The following ZFYVE21 variants were observed in gnomAD, a reference collection of about 807,000 sequenced individuals.
ZFYVE21 encodes zinc finger FYVE domain-containing protein 21.
In ZFYVE21, 21 loss-of-function variants were observed where a neutral mutation model predicts 29.5. The ratio of observed to expected loss-of-function variants is 0.71; its 90% CI spans 0.50 to 1.02. The LOEUF is 1.02. Ranked by LOEUF, ZFYVE21 falls within the 50% of genes least tolerant of loss-of-function variation. The pLI is 0.00. For missense variants in ZFYVE21, 326 were observed against 335.4 expected (o/e 0.97, Z 0.22); for synonymous variants, 151 against 133.8 (o/e 1.13, Z -0.89).
At position 103,727,993 on chromosome 14, in the gene ZFYVE21, C is replaced by T. The variant is rs566332747; in HGVS notation, c.358+79C>T. 6 of 1,452,180 alleles carry T rather than the reference C, an allele frequency of 4.1e-6. No homozygotes were observed. The African/African-American group carries it at 8.5e-5, about 21-fold the overall frequency. The allele number at this position is 1,452,180 out of a possible 1,614,324, so 90.0% of individuals were successfully genotyped here. On this transcript the variant is annotated intron_variant, in intron 3 of 6. Transcript: ENST00000311141. The stretch of plus-strand genomic sequence containing the variant: ...GTCTGTGGCGATGCTGTGGGCTGTG[C>T]ACGGGGCGTTCTGCTTCTCTGACGT...
Position 103,715,916 on chromosome 14 carries a change from C to G in ZFYVE21, c.75C>G (p.Pro25=), listed in dbSNP as rs779798055. The change falls in exon 1 of 7, where the codon CCC becomes CCG. Residue 25 remains proline (P), a synonymous_variant. Coordinates refer to ENST00000311141, the MANE Select transcript of ZFYVE21 (RefSeq NM_024071.4). ...VRSPSGLRMV[P]EHRAFGSPFG... is the part of the protein sequence containing the mutation. ...CCCCGAGCGGCCTGCGCATGGTGCC[C>G]GAACACCGCGCCTTCGGAAGCCCGT... The G allele has an allele frequency of 2.2e-5, 31 of 1,435,076 alleles. No individual in the cohort carries two copies. The highest frequency in any genetic ancestry group is 2.8e-5 in the Non-Finnish European group (30 of 1,086,224). The allele number at this position is 1,435,076 out of a possible 1,614,324, so 88.9% of individuals were successfully genotyped here.
chr14:103,717,997 G>T (rs887469424), intron 1 of ZFYVE21, among the ~76,000 whole-genome samples: 3 of 152,212 alleles, frequency 2.0e-5, no homozygotes, highest in Non-Finnish European at 4.4e-5. Flanking sequence ...GGTAACAGTC[G>T]CCTGGCATGT....
At chr14:103,722,490 G>T (rs1008106261) in intron 1 of ZFYVE21, among the ~76,000 whole-genome samples, 1 of 151,704 alleles carries the variant, frequency 6.6e-6, no homozygotes, top group Non-Finnish European at 1.5e-5. Context: ...AAGTAGCTGG[G>T]ACTACAGGTG....
At chr14:103,718,552 C>T (rs953113819) in intron 1 of ZFYVE21, among the ~76,000 whole-genome samples, 3 of 152,142 alleles carry the variant, frequency 2.0e-5, no homozygotes, top group Admixed American at 6.5e-5. Flanking sequence ...AAGCTTCGTG[C>T]GACACCACTT....
chr14:103,721,703 CTG>C (rs1370373999), intron 1 of ZFYVE21, among the ~76,000 whole-genome samples: 1 of 152,266 alleles, frequency 6.6e-6, no homozygotes, highest in Non-Finnish European at 1.5e-5. Context: ...CTCTTCATCT[CTG>C]TGTGTTTGTC....
In ZFYVE21 at chr14:103,733,322, G is replaced by C. The variant is rs2084005150; in HGVS notation, c.*304G>C. ...AGCATAATATATACCATTTTTATGA[G>C]TTCGCAGGTCTACTAGAAGGTTCTG... On this transcript the variant is annotated 3_prime_UTR_variant, in exon 7 of 7. Coordinates refer to ENST00000311141, the MANE Select transcript of ZFYVE21 (RefSeq NM_024071.4). 1 of 320,102 alleles carries C rather than the reference G, an allele frequency of 3.1e-6. No homozygotes were observed. The highest frequency in any genetic ancestry group is 5.8e-6 in the Non-Finnish European group (1 of 171,198). The allele number at this position is 320,102 out of a possible 1,614,324, so 19.8% of individuals were successfully genotyped here. A position where few individuals can be genotyped will look rare whatever the true frequency, so the allele number is the denominator to read the frequency against.
At chr14:103,717,266 AATC>A (rs2083833312) in intron 1 of ZFYVE21, among the ~76,000 whole-genome samples, 1 of 152,170 alleles carries the variant, frequency 6.6e-6, no homozygotes, top group Non-Finnish European at 1.5e-5. Flanking sequence ...ACTTTCCGCC[AATC>A]ATCCTCCTTC....
chr14:103,727,326 G>A (rs985013618), intron 2 of ZFYVE21: 1 of 372,444 alleles, frequency 2.7e-6, no homozygotes. Context: ...GCTATGGGGT[G>A]GGGGTGCAGC....
chr14:103,715,907 C>T lies in ZFYVE21; in HGVS notation c.66C>T (p.Arg22=). The T allele has an allele frequency of 3.5e-6, 5 of 1,440,046 alleles. No homozygotes were observed. Among genetic ancestry groups the T allele is most frequent in the Non-Finnish European group, 4.6e-6 (5 of 1,089,754 alleles). 89.2% of individuals were successfully genotyped at this position (1,440,046 alleles called of 1,614,324 possible). ...KKLVRSPSGL[R]MVPEHRAFGS... ...TGGTGCGCTCCCCGAGCGGCCTGCG[C>T]ATGGTGCCCGAACACCGCGCCTTCG... Residue 22 remains arginine (R), a synonymous_variant, in exon 1 of 7, where the codon CGC becomes CGT. Transcript: ENST00000311141.
intron 1 of ZFYVE21, chr14:103,725,695 G>A (rs1386621178): frequency 6.6e-6 from 1 of 152,280 alleles, no homozygotes; most frequent in Non-Finnish European, 1.5e-5. Context: ...CTGGGTGCTT[G>A]GTAAATGCAC....
intron 5 of ZFYVE21, chr14:103,730,233 C>A: frequency 4.5e-6 from 1 of 224,380 alleles, no homozygotes; most frequent in Non-Finnish European, 8.8e-6. Context: ...TCCTGGGACC[C>A]CTGACTCTCC....
intron 4 of ZFYVE21, 45 bp from the exon 5 acceptor site, chr14:103,729,046 C>T (rs760877821): frequency 6.2e-7 from 1 of 1,613,658 alleles, no homozygotes; most frequent in Middle Eastern, 1.6e-4. Context: ...CTCGGTGGCA[C>T]TGAGCCTGAG....
chr14:103,730,555 C>G (rs1220427075), intron 5 of ZFYVE21: 1 of 152,688 alleles, frequency 6.5e-6, no homozygotes, highest in Non-Finnish European at 1.5e-5. Context: ...CCCGGGCAGA[C>G]CCTCCCCAGG....
intron 5 of ZFYVE21, chr14:103,732,114 G>A (rs1193009610): frequency 2.0e-5 from 3 of 152,540 alleles, no homozygotes; most frequent in African/African-American, 4.8e-5. Context: ...GCTTCTCAAC[G>A]GTGGGATGGC....
At position 103,715,968 on chromosome 14, in the gene ZFYVE21, C is replaced by G; in HGVS notation, c.127C>G (p.Pro43Ala). 1 of 1,359,860 alleles carries G rather than the reference C, an allele frequency of 7.4e-7. No homozygotes were observed. Among genetic ancestry groups the G allele is most frequent in the Non-Finnish European group, 9.6e-7 (1 of 1,041,172 alleles). 84.2% of individuals were successfully genotyped at this position (1,359,860 alleles called of 1,614,324 possible). The change falls in exon 1 of 7, where the codon CCG becomes GCG. Residue 43 changes from proline to alanine, a missense_variant. Transcript: ENST00000311141. Reference sequence around the variant, plus strand: ...CGGCCTGGAGGAGCCGCAGTGGGTCCCGGACAAGGAGGTGGGTGGCCGTCG... The same window carrying G: ...CGGCCTGGAGGAGCCGCAGTGGGTCGCGGACAAGGAGGTGGGTGGCCGTCG... ...PFGLEEPQWV[P>A]DKECRRCMQC...
At chr14:103,732,396 TGA>T in intron 5 of ZFYVE21, 1 of 434,428 alleles carries the variant, frequency 2.3e-6, no homozygotes. Context: ...GGCACCCGGC[TGA>T]GTGTCTTGGT....
intron 5 of ZFYVE21, 41 bp downstream of exon 5, chr14:103,729,223 G>A: frequency 6.2e-7 from 1 of 1,604,106 alleles, no homozygotes; most frequent in Non-Finnish European, 8.5e-7. Flanking sequence ...GGAGGGTTTG[G>A]TGCCATGCGT....
intron 1 of ZFYVE21, chr14:103,726,553 T>C (rs1187331253): frequency 7.6e-6 from 4 of 525,188 alleles, no homozygotes; most frequent in Non-Finnish European, 1.4e-5. Context: ...TCAGGCCCCA[T>C]GGTTACGCTG....
At chr14:103,729,886 C>CG (rs2083959340) in intron 5 of ZFYVE21, 2 of 1,533,126 alleles carry the variant, frequency 1.3e-6, no homozygotes, top group Non-Finnish European at 1.7e-6. Context: ...CCGCATGCAG[C>CG]GGGCCCGTTC....
Sources: gnomAD v4.1 joint callset for allele counts (sites outside exome capture counted in the v4.1 genomes callset) on GRCh38, gnomAD v4.1.1 for gene constraint, MANE v1.5 for transcripts, NCBI Gene and HGNC (gene_info 2026-07-23, HGNC 2026-07-21) for gene names.